The following SNTB1 variants were observed in gnomAD, a reference collection of about 807,000 sequenced individuals.
SNTB1 encodes the protein beta-1-syntrophin.
A neutral mutation model predicts 48.9 loss-of-function variants in SNTB1; 36 were observed. The observed-to-expected ratio is 0.74, with a 90% CI of 0.56 to 0.97. The LOEUF (loss-of-function observed/expected upper bound fraction) is 0.97. Ranked by LOEUF, SNTB1 falls within the 50% of genes least tolerant of loss-of-function variation. SNTB1 has a pLI of 0.00. For synonymous variants in SNTB1, 299 were observed against 294.6 expected, an observed-to-expected ratio of 1.01 and a Z score of -0.15; for missense variants, 786 against 703.4, an observed-to-expected ratio of 1.12 and a Z score of -1.33.
At chr8:120,722,238 T>A (rs1818673023) in intron 1 of SNTB1, among the ~76,000 whole-genome samples, 1 of 152,238 alleles carries the variant, frequency 6.6e-6, no homozygotes, top group Non-Finnish European at 1.5e-5. Flanking sequence ...TAGCATGATT[T>A]ATAATCCTTT....
At chr8:120,552,688 G>A (rs1376989322) in intron 4 of SNTB1, among the ~76,000 whole-genome samples, 1 of 152,192 alleles carries the variant, frequency 6.6e-6, no homozygotes, top group Non-Finnish European at 1.5e-5. Context: ...TGGCACCAGG[G>A]ACTGGTTTCC....
chr8:120,659,322 C>T (rs1817549328), intron 2 of SNTB1, among the ~76,000 whole-genome samples: 2 of 152,176 alleles, frequency 1.3e-5, no homozygotes, highest in Admixed American at 6.6e-5. Flanking sequence ...AACATCTTCA[C>T]CAGGAATAGA....
chr8:120,563,796 C>T (rs1385965588), intron 4 of SNTB1, among the ~76,000 whole-genome samples: 1 of 152,088 alleles, frequency 6.6e-6, no homozygotes, highest in Non-Finnish European at 1.5e-5. Flanking sequence ...AGTCACCTGG[C>T]CCTACTACGT....
chr8:120,697,398 G>C (rs1818230285), intron 1 of SNTB1, among the ~76,000 whole-genome samples: 1 of 152,190 alleles, frequency 6.6e-6, no homozygotes, highest in South Asian at 2.1e-4. Context: ...AAACTTATCA[G>C]TCAATTTTCA....
chr8:120,561,798 G>A lies in SNTB1; in HGVS notation c.1137-12840C>T, dbSNP rs186677691. On this transcript the variant is annotated intron_variant, in intron 4 of 6. Transcript: ENST00000517992. ...CTCGGCTTTTCCTCTATTTCATACC[G>A]CCTCCAGATATTCTCCTACCATCAG... Among the ~76,000 whole-genome samples the A allele has an allele frequency of 1.3e-3, 197 of 152,076 alleles. 1 individual carries two copies. The highest frequency in any genetic ancestry group is 3.2e-4 in the Non-Finnish European group (22 of 68,002).
chr8:120,578,727 G>T (rs934378650), intron 3 of SNTB1, among the ~76,000 whole-genome samples: 1 of 152,188 alleles, frequency 6.6e-6, no homozygotes, highest in African/African-American at 2.4e-5. Context: ...AAAATGGCAA[G>T]AATTTCAGAG....
chr8:120,651,786 A>C (rs1817415140), intron 2 of SNTB1, among the ~76,000 whole-genome samples: 1 of 152,184 alleles, frequency 6.6e-6, no homozygotes, highest in Non-Finnish European at 1.5e-5. Context: ...TGGTGTGTGA[A>C]AATGTCATTG....
intron 1 of SNTB1, among the ~76,000 whole-genome samples, chr8:120,757,466 G>A (rs1819336379): frequency 6.6e-6 from 1 of 152,184 alleles, no homozygotes; most frequent in African/African-American, 2.4e-5. Flanking sequence ...TCAGTAGAAT[G>A]TTGTAATGTG....
At chr8:120,687,540 A>T (rs1818054673) in intron 2 of SNTB1, among the ~76,000 whole-genome samples, 1 of 152,214 alleles carries the variant, frequency 6.6e-6, no homozygotes, top group African/African-American at 2.4e-5. Context: ...GAGGGTTTTC[A>T]GCTTACTTGC....
In SNTB1 at chr8:120,811,630, C is replaced by A. The variant is rs1414118721; in HGVS notation, c.214G>T (p.Ala72Ser). The change falls in exon 1 of 7, where the codon GCC becomes TCC. Residue 72 changes from alanine to serine, a missense_variant. Ala to Ser is a moderately conservative substitution (Grantham distance 99). Transcript: ENST00000517992. Reference protein sequence around the residue: ...TATNGSFCRGAGAGHPGAGGA... With the variant: ...TATNGSFCRGSGAGHPGAGGA... ...CCCGCGCCCGGGTGCCCAGCCCCGGCGCCCCTGCAGAACGAGCCATTGGTG... is the reference window on the plus strand; with the variant it reads ...CCCGCGCCCGGGTGCCCAGCCCCGGAGCCCCTGCAGAACGAGCCATTGGTG... 1.3e-6 allele frequency: 2 copies of A among 1,591,984 alleles called. No individual in the cohort carries two copies. The highest frequency in any genetic ancestry group is 1.7e-6 in the Non-Finnish European group (2 of 1,172,906).
chr8:120,735,598 G>C (rs1818928716), intron 1 of SNTB1, among the ~76,000 whole-genome samples: 1 of 152,170 alleles, frequency 6.6e-6, no homozygotes, highest in South Asian at 2.1e-4. Context: ...TATGTACACA[G>C]AGAAAGGCCA....
intron 4 of SNTB1, among the ~76,000 whole-genome samples, chr8:120,573,393 A>AGTTT (rs920300436): frequency 1.4e-5 from 1 of 72,952 alleles, no homozygotes. Flanking sequence ...TTTTTGAATC[A>AGTTT]GTTTTCTTTT....
At chr8:120,545,501 T>A (rs1359886123) in intron 5 of SNTB1, among the ~76,000 whole-genome samples, 2 of 152,086 alleles carry the variant, frequency 1.3e-5, no homozygotes, top group Non-Finnish European at 2.9e-5. Context: ...ACTATGAATC[T>A]CTAGAGGTGG....
At chr8:120,583,742 T>C (rs77394026) in intron 3 of SNTB1, among the ~76,000 whole-genome samples, 10 of 152,324 alleles carry the variant, frequency 6.6e-5, no homozygotes, top group Non-Finnish European at 1.3e-4. Flanking sequence ...CAACCCATTC[T>C]ATAGACTAGA....
At chr8:120,796,344 C>T (rs1563605136) in intron 1 of SNTB1, among the ~76,000 whole-genome samples, 2 of 152,136 alleles carry the variant, frequency 1.3e-5, no homozygotes, top group East Asian at 3.9e-4. Context: ...TGGACTAATA[C>T]ACTTGATTAC....
chr8:120,606,832 T>G (rs533629676), intron 3 of SNTB1, among the ~76,000 whole-genome samples: 1 of 152,194 alleles, frequency 6.6e-6, no homozygotes, highest in Non-Finnish European at 1.5e-5. Context: ...ACAAAAAACA[T>G]TATTGTTTCT....
chr8:120,810,338 C>T lies in SNTB1; in HGVS notation c.571+935G>A, dbSNP rs150761637. ...GAGAATTCAGTTTACTACCATATGC[C>T]CTTCTCCCCCACATAACTCAACATA... On this transcript the variant is annotated intron_variant, in intron 1 of 6. Coordinates refer to ENST00000517992, the MANE Select transcript of SNTB1 (RefSeq NM_021021.4). 7.3e-3 allele frequency among the ~76,000 whole-genome samples: 1,104 copies of T among 152,234 alleles called. 14 individuals carry two copies. Among genetic ancestry groups the T allele is most frequent in the African/African-American group, 0.024 (991 of 41,526 alleles).
intron 1 of SNTB1, among the ~76,000 whole-genome samples, chr8:120,747,350 G>A (rs1435253057): frequency 6.6e-6 from 1 of 152,126 alleles, no homozygotes; most frequent in East Asian, 1.9e-4. Flanking sequence ...GAGTGCAGTG[G>A]CACAATCTTG....
rs149660458 is a variant in SNTB1, at chr8:120,675,568, T to A, written c.788+18124A>T. Among the ~76,000 whole-genome samples the A allele has an allele frequency of 6.2e-4, 94 of 152,276 alleles. 1 individual carries two copies. The East Asian group carries it at 0.018, about 29-fold the overall frequency. On this transcript the variant is annotated intron_variant, in intron 2 of 6. Transcript: ENST00000517992. ...GTACTTGCACTTCCAGGAACACACATACTTATCATTGTCTCAGCCCAGAAG... is the reference window on the plus strand; with the variant it reads ...GTACTTGCACTTCCAGGAACACACAAACTTATCATTGTCTCAGCCCAGAAG...
Sources: allele counts gnomAD v4.1 joint callset (sites outside exome capture counted in the v4.1 genomes callset), GRCh38; gene constraint gnomAD v4.1.1; transcripts MANE v1.5; gene names NCBI Gene and HGNC (gene_info 2026-07-23, HGNC 2026-07-21).